The following DPP6 variants were observed in gnomAD, a reference collection of about 807,000 sequenced individuals.
DPP6 encodes dipeptidyl peptidase like 6.
DPP6 carries 69 observed loss-of-function variants against 122.6 expected under a neutral mutation model. The observed-to-expected ratio is 0.56, with a 90% CI of 0.46 to 0.69. The LOEUF is 0.69. Ranked by LOEUF, DPP6 falls within the 30% of genes least tolerant of loss-of-function variation. The pLI is 0.00. For synonymous variants in DPP6, 418 were observed against 433.1 expected (o/e 0.97, Z 0.43); for missense variants, 928 against 1,116.9 (o/e 0.83, Z 2.41).
chr7:154,804,362 A>G (rs556349214), intron 14 of DPP6, among the ~76,000 whole-genome samples: 1 of 152,358 alleles, frequency 6.6e-6, no homozygotes, highest in African/African-American at 2.4e-5. Context: ...GAAAACAAAA[A>G]TAAGTAATTT....
Position 154,260,752 on chromosome 7 carries a change from TTA to T in DPP6, c.244-185454_244-185453del, listed in dbSNP as rs1490422314. 2.0e-5 allele frequency among the ~76,000 whole-genome samples: 3 copies of T among 148,046 alleles called. No individual in the cohort carries two copies. The East Asian group carries it at 5.8e-4, about 29-fold the overall frequency. On this transcript the variant is annotated intron_variant, in intron 1 of 25. Transcript: ENST00000377770. The stretch of plus-strand genomic sequence containing the variant: ...TACATATATATGTATAATATATATA[TTA>T]TATATATTCTTGCAATTGTGAATTG...
chr7:154,436,893 A>C (rs1818916230), intron 1 of DPP6, among the ~76,000 whole-genome samples: 2 of 152,194 alleles, frequency 1.3e-5, no homozygotes, highest in Admixed American at 1.3e-4. Flanking sequence ...GGAACTTTTT[A>C]CAAAAAGAAA....
At chr7:154,577,252 C>T (rs1831744534) in intron 5 of DPP6, among the ~76,000 whole-genome samples, 1 of 151,990 alleles carries the variant, frequency 6.6e-6, no homozygotes, top group Non-Finnish European at 1.5e-5. Flanking sequence ...CCCTGTCCAT[C>T]TTGCAGCGTT....
the DPP6 span, among the ~76,000 whole-genome samples, chr7:153,807,563 T>A: frequency 6.6e-6 from 1 of 152,054 alleles, no homozygotes; most frequent in Non-Finnish European, 1.5e-5. Context: ...ATCAGCTTGC[T>A]TCCTTGGAGA....
intron 1 of DPP6, among the ~76,000 whole-genome samples, chr7:153,987,378 G>A (rs777034504): frequency 6.6e-6 from 1 of 152,222 alleles, no homozygotes; most frequent in Non-Finnish European, 1.5e-5. Flanking sequence ...AACAGGCTTA[G>A]AAAATCATTC....
chr7:154,471,556 A>G (rs1822278946), intron 2 of DPP6, among the ~76,000 whole-genome samples: 1 of 152,076 alleles, frequency 6.6e-6, no homozygotes, highest in Non-Finnish European at 1.5e-5. Flanking sequence ...GCTCCAGCCT[A>G]AATGACCACC....
At position 154,018,325 on chromosome 7, in the gene DPP6, A is replaced by G. The variant is rs532538865; in HGVS notation, c.51+130591A>G. Reference sequence around the variant, plus strand: ...GATCTTGAGATCAATAAGGGGGTGAAAAATGGCTGCTGGTGTAAAAAGCAG... The same window carrying G: ...GATCTTGAGATCAATAAGGGGGTGAGAAATGGCTGCTGGTGTAAAAAGCAG... On this transcript the variant is annotated intron_variant, in intron 1 of 25. Transcript: ENST00000404039. Among the ~76,000 whole-genome samples, 6 of 152,168 alleles carry G rather than the reference A, an allele frequency of 3.9e-5. No individual in the cohort carries two copies. The East Asian group carries it at 9.7e-4, about 24-fold the overall frequency.
the DPP6 span, among the ~76,000 whole-genome samples, chr7:153,820,179 G>T: frequency 6.6e-6 from 1 of 152,162 alleles, no homozygotes; most frequent in African/African-American, 2.4e-5. Flanking sequence ...AATAGTACAA[G>T]CCTCAACATT....
upstream of DPP6, among the ~76,000 whole-genome samples, chr7:154,047,500 T>C (rs560560429): frequency 2.7e-5 from 4 of 148,712 alleles, no homozygotes; most frequent in East Asian, 5.8e-4. Flanking sequence ...TATGGTCAAA[T>C]GATCACCAGG....
At chr7:153,810,300 G>T in the DPP6 span, among the ~76,000 whole-genome samples, 1 of 152,104 alleles carries the variant, frequency 6.6e-6, no homozygotes, top group Admixed American at 6.5e-5. Flanking sequence ...GAACTGATAG[G>T]TGGTAAGACT....
rs117245882 is a variant in DPP6 at position 154,330,564 on chromosome 7, C to T, written c.244-115650C>T. On this transcript the variant is annotated intron_variant, in intron 1 of 25. Transcript: ENST00000377770. ...GAGCAGATGTTCCTGTCTTTACGAA[C>T]GGACTGAGACCGCTCCAGACATCTG... Among the ~76,000 whole-genome samples, 872 of 152,262 alleles carry T rather than the reference C, an allele frequency of 5.7e-3. 35 individuals carry two copies. The highest frequency in any genetic ancestry group is 0.041 in the Admixed American group (626 of 15,304).
chr7:153,859,951 G>C, the DPP6 span, among the ~76,000 whole-genome samples: 109 of 152,262 alleles, frequency 7.2e-4, no homozygotes, highest in African/African-American at 2.5e-3. Flanking sequence ...TTGACACAGG[G>C]GGATAATTAG....
At chr7:154,088,903 A>C (rs914190243) in intron 1 of DPP6, among the ~76,000 whole-genome samples, 13 of 152,204 alleles carry the variant, frequency 8.5e-5, no homozygotes, top group South Asian at 6.2e-4. Context: ...GGCACTGGCC[A>C]CATTTCAGAT....
chr7:153,951,263 G>A (rs117247303), intron 1 of DPP6, among the ~76,000 whole-genome samples: 2 of 152,276 alleles, frequency 1.3e-5, no homozygotes, highest in East Asian at 3.9e-4. Context: ...CGTGGAACTC[G>A]CCAACACGCA....
At chr7:154,719,186 T>C (rs1333277580) in intron 7 of DPP6, among the ~76,000 whole-genome samples, 1 of 152,010 alleles carries the variant, frequency 6.6e-6, no homozygotes, top group African/African-American at 2.4e-5. Context: ...GGCGGCGTGT[T>C]TGGGTGATTG....
At chr7:153,760,114 C>T in the DPP6 span, among the ~76,000 whole-genome samples, 12 of 152,178 alleles carry the variant, frequency 7.9e-5, no homozygotes, top group East Asian at 1.9e-3. Flanking sequence ...TATCTTTTCC[C>T]TGGGTTTTAT....
In DPP6 at chr7:154,875,923, G is replaced by A. The variant is rs777600559; in HGVS notation, c.1901G>A (p.Ser634Asn). 8.1e-6 allele frequency: 13 copies of A among 1,611,838 alleles called. No homozygotes were observed. In the East Asian group the frequency reaches 2.9e-4, roughly 36 times the overall value. The change falls in exon 20 of 26, where the codon AGC becomes AAC. Residue 634 changes from serine to asparagine, a missense_variant. Physicochemically the swap from Ser to Asn is conservative, Grantham distance 46. Transcript: ENST00000377770. The surrounding 1 kb of genome is among the most constrained non-coding windows in gnomAD (Gnocchi z 4.5). ...CTTTCCAGGGATGGCACCCCAGGCA[G>A]CCAGAGTGTGGCTGAGAAGTTCGAG... Reference protein sequence around the residue: ...LLLVVDGTPGSQSVAEKFEVS... With the variant: ...LLLVVDGTPGNQSVAEKFEVS...
chr7:154,458,931 G>T (rs1370887924), intron 2 of DPP6, among the ~76,000 whole-genome samples: 1 of 152,138 alleles, frequency 6.6e-6, no homozygotes, highest in Non-Finnish European at 1.5e-5. Flanking sequence ...TCACCACAAA[G>T]AAAGGAAATG....
At chr7:154,089,790 T>A (rs1170722074) in intron 1 of DPP6, among the ~76,000 whole-genome samples, 4 of 151,330 alleles carry the variant, frequency 2.6e-5, no homozygotes, top group African/African-American at 7.3e-5. Flanking sequence ...TTTATTTTTT[T>A]AAATAAATTA....
Sources: gnomAD v4.1 joint callset for allele counts (sites outside exome capture counted in the v4.1 genomes callset) on GRCh38, gnomAD v4.1.1 for gene constraint, Gnocchi (gnomAD v3.1) non-coding constraint, MANE v1.5 for transcripts, NCBI Gene and HGNC (gene_info 2026-07-23, HGNC 2026-07-21) for gene names.